The following CNTRL variants were observed in gnomAD, a reference collection of about 807,000 sequenced individuals.
CNTRL encodes the protein 110 kDa centrosomal protein.
CNTRL carries 233 observed loss-of-function variants against 303.7 expected under a neutral mutation model. That is an observed-to-expected ratio of 0.77 (90% CI 0.69 to 0.86). CNTRL has a LOEUF of 0.86. Ranked by LOEUF, CNTRL falls within the 40% of genes least tolerant of loss-of-function variation. CNTRL has a pLI of 0.00. For synonymous variants in CNTRL, 900 were observed against 922.2 expected (o/e 0.98, Z 0.44); for missense variants, 2,524 against 2,650.6 (o/e 0.95, Z 1.05).
intron 32 of CNTRL, among the ~76,000 whole-genome samples, chr9:121,160,771 G>A (rs2052808512): frequency 6.6e-6 from 1 of 152,176 alleles, no homozygotes; most frequent in African/African-American, 2.4e-5. Context: ...CTTGAGCCCA[G>A]GAGTTCAAAA....
chr9:121,168,009 T>G, intron 37 of CNTRL, 87 bp from the exon 38 acceptor site: 1 of 1,153,574 alleles, frequency 8.7e-7, no homozygotes, highest in South Asian at 1.5e-5. Context: ...CTACTTTCTT[T>G]TGACCTGGAA....
At chr9:121,175,571 G>A (rs2053488898) in intron 43 of CNTRL, among the ~76,000 whole-genome samples, 1 of 152,208 alleles carries the variant, frequency 6.6e-6, no homozygotes, top group Non-Finnish European at 1.5e-5. Flanking sequence ...GCTGAGCCAA[G>A]AGGAAACTCG....
chr9:121,139,460 A>T (rs1044042236), intron 16 of CNTRL, among the ~76,000 whole-genome samples: 3 of 152,170 alleles, frequency 2.0e-5, no homozygotes, highest in African/African-American at 4.8e-5. Flanking sequence ...AATAAGACTA[A>T]ACTCACCCAA....
rs767577826 is a variant in CNTRL at position 121,144,920 on chromosome 9, C to T, written c.3129C>T (p.Ile1043=). 6.2e-6 allele frequency: 10 copies of T among 1,613,382 alleles called. No homozygotes were observed. The highest frequency in any genetic ancestry group is 4.4e-5 in the South Asian group (4 of 91,018). ...ARDLTRAEAE[I]ELLQNLLRQK... ...ATCTCACCCGAGCAGAAGCTGAGAT[C>T]GAACTCCTGCAGAATCTCCTCAGGC... is the stretch of plus-strand genomic sequence containing the variant. The change falls in exon 21 of 44, where the codon ATC becomes ATT. Residue 1043 remains isoleucine, a synonymous_variant. Transcript: ENST00000373855.
At chr9:121,173,629 G>T (rs1255341347) in intron 41 of CNTRL, 46 bp from the exon 42 acceptor site, 3 of 1,611,778 alleles carry the variant, frequency 1.9e-6, no homozygotes, top group Non-Finnish European at 2.5e-6. Flanking sequence ...GCTTCCATTT[G>T]TAGCAGCAGA....
At chr9:121,146,305 A>G in intron 23 of CNTRL, 49 bp downstream of exon 23, 1 of 1,561,094 alleles carries the variant, frequency 6.4e-7, no homozygotes, top group South Asian at 1.2e-5. Flanking sequence ...TCTTGAAGAA[A>G]GTGTGACATT....
chr9:121,085,201 C>A (rs910834040), intron 2 of CNTRL, among the ~76,000 whole-genome samples: 13 of 152,004 alleles, frequency 8.6e-5, no homozygotes, highest in Non-Finnish European at 1.8e-4. Context: ...AAAAATAGTT[C>A]AAAAATCTCT....
At chr9:121,122,080 TC>T (rs530715361) in intron 12 of CNTRL, 258 of 286,610 alleles carry the variant, frequency 9.0e-4, no homozygotes, top group Non-Finnish European at 1.2e-3. Context: ...CTACTTTTGT[TC>T]CCATGTATTT....
intron 32 of CNTRL, among the ~76,000 whole-genome samples, chr9:121,160,617 C>A (rs917303773): frequency 1.3e-5 from 2 of 152,136 alleles, no homozygotes; most frequent in African/African-American, 4.8e-5. Flanking sequence ...ACCTGTTGAA[C>A]TAGTCAGCCC....
intron 27 of CNTRL, among the ~76,000 whole-genome samples, chr9:121,157,036 A>G (rs1468093883): frequency 6.6e-6 from 1 of 152,228 alleles, no homozygotes; most frequent in Non-Finnish European, 1.5e-5. Context: ...TAGTTCCACT[A>G]CTTTCAAATG....
At chr9:121,164,848 T>C (rs1251195720) in intron 34 of CNTRL, 95 bp from the exon 35 acceptor site, 1 of 894,696 alleles carries the variant, frequency 1.1e-6, no homozygotes, top group East Asian at 3.0e-5. Context: ...ATTTATACTT[T>C]CCATAACTGT....
chr9:121,154,667 A>T (rs566059834), intron 26 of CNTRL, 54 bp from the exon 27 acceptor site: 1 of 1,056,600 alleles, frequency 9.5e-7, no homozygotes, highest in African/African-American at 1.6e-5. Flanking sequence ...GGCTACAAGT[A>T]TCTGTATTGT....
At chr9:121,119,119 T>A (rs150924173) in intron 12 of CNTRL, among the ~76,000 whole-genome samples, 1 of 151,456 alleles carries the variant, frequency 6.6e-6, no homozygotes, top group African/African-American at 2.4e-5. Flanking sequence ...TACACACACA[T>A]ATATGGAATG....
chr9:121,146,759 C>G (rs1344695497), intron 23 of CNTRL, among the ~76,000 whole-genome samples: 1 of 152,184 alleles, frequency 6.6e-6, no homozygotes, highest in Non-Finnish European at 1.5e-5. Context: ...GACCTGTATT[C>G]TCTAGTTGCA....
chr9:121,124,480 G>A (rs1249583068), intron 13 of CNTRL, among the ~76,000 whole-genome samples: 1 of 152,148 alleles, frequency 6.6e-6, no homozygotes, highest in African/African-American at 2.4e-5. Context: ...TTTAAACTGC[G>A]ACATATCCAT....
intron 16 of CNTRL, 95 bp downstream of exon 16, chr9:121,138,774 A>G: frequency 7.8e-7 from 1 of 1,274,260 alleles, no homozygotes; most frequent in African/African-American, 1.5e-5. Context: ...TCTAACATGT[A>G]GTAAGCAATT....
Position 121,143,827 on chromosome 9 carries a change from A to T in CNTRL, c.2872-76A>T, listed in dbSNP as rs114174814. 2.8e-4 allele frequency: 332 copies of T among 1,174,328 alleles called. 3 individuals are homozygous for T. The African/African-American group carries it at 4.5e-3, about 16-fold the overall frequency. 72.7% of individuals were successfully genotyped at this position (1,174,328 alleles called of 1,614,324 possible). A position where few individuals can be genotyped will look rare whatever the true frequency, so the allele number is the denominator to read the frequency against. On this transcript the variant is annotated intron_variant, in intron 19 of 43. Transcript: ENST00000373855. ...CTAGGCAGCAGTGAACAGAGTCCCT[A>T]CCCTCCTGGAGCTTACATCTGAATT...
chr9:121,077,031 G>C (rs1048193466), intron 1 of CNTRL, among the ~76,000 whole-genome samples: 7 of 152,192 alleles, frequency 4.6e-5, no homozygotes, highest in African/African-American at 1.7e-4. Context: ...GGAAAGGCTG[G>C]ATGGAGGTGG....
In CNTRL at chr9:121,104,222, G is replaced by A. The variant is rs149466200; in HGVS notation, c.809-3580G>A. On this transcript the variant is annotated intron_variant, in intron 7 of 43. Coordinates refer to ENST00000373855, the MANE Select transcript of CNTRL (RefSeq NM_007018.6). ...AAAAAAGGATGAGTTCATGTCCTTT[G>A]TAGGGACATGGTTGAAGCTGGAAAC... 4.2e-3 allele frequency among the ~76,000 whole-genome samples: 635 copies of A among 152,346 alleles called. 3 individuals are homozygous for A. The highest frequency in any genetic ancestry group is 0.014 in the African/African-American group (599 of 41,566).
Sources: allele counts gnomAD v4.1 joint callset (sites outside exome capture counted in the v4.1 genomes callset), GRCh38; gene constraint gnomAD v4.1.1; transcripts MANE v1.5; gene names NCBI Gene and HGNC (gene_info 2026-07-23, HGNC 2026-07-21).